Variants in SLC22A25 observed in about 807,000 individuals in gnomAD.
The protein encoded by SLC22A25 is solute carrier family 22 member 25.
SLC22A25 carries 44 observed loss-of-function variants against 45.9 expected under a neutral mutation model. The observed-to-expected ratio is 0.96, with a 90% CI of 0.75 to 1.23. The LOEUF is 1.23. Ranked by LOEUF, SLC22A25 falls within the 50% of genes most tolerant of loss-of-function variation. The pLI is 0.00. For synonymous variants in SLC22A25, 283 were observed against 238.6 expected, an observed-to-expected ratio of 1.19 and a Z score of -1.72; for missense variants, 800 against 666.4, an observed-to-expected ratio of 1.20 and a Z score of -2.21.
intron 7 of SLC22A25, among the ~76,000 whole-genome samples, chr11:63,184,110 A>G (rs2088431206): frequency 6.6e-6 from 1 of 152,100 alleles, no homozygotes; most frequent in Admixed American, 6.6e-5. Flanking sequence ...CATCACTTGT[A>G]CAGATGCCTG....
intron 7 of SLC22A25, among the ~76,000 whole-genome samples, chr11:63,190,534 C>T (rs966896179): frequency 1.3e-5 from 2 of 152,162 alleles, no homozygotes; most frequent in Non-Finnish European, 2.9e-5. Context: ...CTGAAGCCTT[C>T]TTCTCTCAGC....
At position 63,163,182 on chromosome 11, in the gene SLC22A25, A is replaced by G. The variant is rs371693513; in HGVS notation, c.*642T>C. 3.3e-4 allele frequency among the ~76,000 whole-genome samples: 50 copies of G among 152,240 alleles called. No homozygotes were observed. Among genetic ancestry groups the G allele is most frequent in the African/African-American group, 1.1e-3 (46 of 41,548 alleles). ...TGGGAAGGCAGCTTGAATAGCTTCA[A>G]CTCTCACACTTGGACACCATGGCAT... is the stretch of plus-strand genomic sequence containing the variant. On this transcript the variant is annotated 3_prime_UTR_variant, in exon 12 of 12. Transcript: ENST00000306494.
intron 7 of SLC22A25, among the ~76,000 whole-genome samples, chr11:63,204,810 C>A (rs2089352045): frequency 6.6e-6 from 1 of 152,174 alleles, no homozygotes; most frequent in South Asian, 2.1e-4. Flanking sequence ...ACCAAGCCAA[C>A]CTAATAGACA....
At chr11:63,186,679 T>C (rs1462547805) in intron 7 of SLC22A25, among the ~76,000 whole-genome samples, 1 of 152,220 alleles carries the variant, frequency 6.6e-6, no homozygotes, top group Non-Finnish European at 1.5e-5. Flanking sequence ...TGCTTTTAGG[T>C]CTAACATTTA....
chr11:63,180,717 C>G lies in SLC22A25; in HGVS notation c.1013G>C (p.Cys338Ser). The change falls in exon 9 of 12, where the codon TGT becomes TCT. Residue 338 changes from cysteine to serine, a missense_variant. Transcript: ENST00000306494. Reference sequence around the variant, plus strand: ...TATGTTGGGTATGCGGAGCAATTCACAAAGAGAATGCTTTTTCTGTGCTGC... The same window carrying G: ...TATGTTGGGTATGCGGAGCAATTCAGAAAGAGAATGCTTTTTCTGTGCTGC... Reference protein sequence around the residue: ...LEAAQKKHSLCELLRIPNICK... With the variant: ...LEAAQKKHSLSELLRIPNICK... The G allele has an allele frequency of 6.2e-7, 1 of 1,613,210 alleles. No individual in the cohort carries two copies. Among genetic ancestry groups the G allele is most frequent in the Admixed American group, 1.7e-5 (1 of 59,890 alleles).
chr11:63,165,521 G>A (rs1387017332), intron 10 of SLC22A25, among the ~76,000 whole-genome samples: 1 of 152,150 alleles, frequency 6.6e-6, no homozygotes, highest in Admixed American at 6.6e-5. Context: ...TAAAGATACG[G>A]GACTTTTGTT....
At position 63,235,033 on chromosome 11, in the gene SLC22A25, G is replaced by C. The variant is rs149398433; in HGVS notation, c.-445+2848C>G. 6.0e-3 allele frequency among the ~76,000 whole-genome samples: 908 copies of C among 152,248 alleles called. 11 individuals are homozygous for C. Among genetic ancestry groups the C allele is most frequent in the African/African-American group, 0.02 (829 of 41,550 alleles). Reference sequence around the variant, plus strand: ...CTGTTAGTCTAATGGGCTTCCCTGTGGGTAACCTGACCTTTCTCTCTGGCT... The same window carrying C: ...CTGTTAGTCTAATGGGCTTCCCTGTCGGTAACCTGACCTTTCTCTCTGGCT... On this transcript the variant is annotated intron_variant, in intron 3 of 11. Transcript: ENST00000306494.
chr11:63,188,115 G>T (rs556649277), intron 7 of SLC22A25, among the ~76,000 whole-genome samples: 71 of 152,164 alleles, frequency 4.7e-4, no homozygotes, highest in African/African-American at 1.5e-3. Context: ...GTTTCAGAAG[G>T]AATGATACCA....
chr11:63,233,211 A>G (rs1565127749), intron 3 of SLC22A25, among the ~76,000 whole-genome samples: 1 of 152,174 alleles, frequency 6.6e-6, no homozygotes, highest in African/African-American at 2.4e-5. Context: ...AAGGAATGGT[A>G]CCAGCTCCTC....
intron 5 of SLC22A25, among the ~76,000 whole-genome samples, chr11:63,223,241 G>A (rs2134827803): frequency 6.6e-6 from 1 of 152,166 alleles, no homozygotes; most frequent in South Asian, 2.1e-4. Context: ...CAGCAGTGAA[G>A]TCATCAGGTC....
At chr11:63,183,846 C>A (rs2088420608) in intron 7 of SLC22A25, 29 bp from the exon 8 acceptor site, 3 of 1,611,774 alleles carry the variant, frequency 1.9e-6, no homozygotes, top group Non-Finnish European at 2.5e-6. Context: ...AGAGGTGCAG[C>A]CAACCACTAC....
rs1328950000 is a variant in SLC22A25 at position 63,159,369 on chromosome 11, T to C, written c.*4455A>G. On this transcript the variant is annotated 3_prime_UTR_variant, in exon 12 of 12. Transcript: ENST00000306494. ...ATGGGAGGGAGCCTGTGGGAGGTAA[T>C]TGAATCATGGGGCCAGGTCTTTCCC... Among the ~76,000 whole-genome samples, 1 of 152,156 alleles carries C rather than the reference T, an allele frequency of 6.6e-6. No homozygotes were observed. The highest frequency in any genetic ancestry group is 1.5e-5 in the Non-Finnish European group (1 of 68,028).
chr11:63,197,449 C>A (rs918672160), intron 7 of SLC22A25, among the ~76,000 whole-genome samples: 3 of 152,258 alleles, frequency 2.0e-5, no homozygotes, highest in African/African-American at 7.2e-5. Flanking sequence ...AGATATAATA[C>A]CACACATCTA....
intron 3 of SLC22A25, among the ~76,000 whole-genome samples, chr11:63,234,046 T>G (rs1383407761): frequency 2.6e-5 from 4 of 152,234 alleles, no homozygotes; most frequent in African/African-American, 9.6e-5. Context: ...GAGGAGAGCT[T>G]TACTTCCAAC....
intron 7 of SLC22A25, among the ~76,000 whole-genome samples, chr11:63,210,472 G>A (rs568920401): frequency 1.3e-5 from 2 of 152,304 alleles, no homozygotes; most frequent in South Asian, 4.1e-4. Context: ...GCAGGCAAAT[G>A]GGCCACTGGA....
At position 63,163,704 on chromosome 11, in the gene SLC22A25, C is replaced by T; in HGVS notation, c.*120G>A. 1 of 1,351,330 alleles carries T rather than the reference C, an allele frequency of 7.4e-7. No homozygotes were observed. Among genetic ancestry groups the T allele is most frequent in the South Asian group, 1.5e-5 (1 of 66,262 alleles). The allele number at this position is 1,351,330 out of a possible 1,614,324, so 83.7% of individuals were successfully genotyped here. A position where few individuals can be genotyped will look rare whatever the true frequency, so the allele number is the denominator to read the frequency against. ...GAGGCTCAGGGGATGTATGAGGTCA[C>T]TGTGGAAGGGATGAGGATACACCAA... On this transcript the variant is annotated 3_prime_UTR_variant, in exon 12 of 12. Transcript: ENST00000306494.
chr11:63,197,307 A>T lies in SLC22A25; in HGVS notation c.831-13490T>A, dbSNP rs188553086. Among the ~76,000 whole-genome samples the T allele has an allele frequency of 1.2e-3, 187 of 152,276 alleles. 1 individual carries two copies. The highest frequency in any genetic ancestry group is 4.2e-3 in the African/African-American group (175 of 41,552). Reference sequence around the variant, plus strand: ...GAGCCCACATTGCCAAGACAATCCTAAGCCAAAAGAACAAAGCTGGAGGCA... The same window carrying T: ...GAGCCCACATTGCCAAGACAATCCTTAGCCAAAAGAACAAAGCTGGAGGCA... On this transcript the variant is annotated intron_variant, in intron 7 of 11. Transcript: ENST00000306494.
At chr11:63,226,991 C>A (rs1379635425) in intron 5 of SLC22A25, among the ~76,000 whole-genome samples, 2 of 152,108 alleles carry the variant, frequency 1.3e-5, no homozygotes, top group Non-Finnish European at 2.9e-5. Context: ...GCTGTTTGGT[C>A]AGCTTGTGGT....
intron 9 of SLC22A25, among the ~76,000 whole-genome samples, chr11:63,174,476 T>C (rs1056839040): frequency 6.6e-6 from 1 of 152,076 alleles, no homozygotes; most frequent in African/African-American, 2.4e-5. Flanking sequence ...CTAGTTATGG[T>C]TTGGACAACT....
Sources: gnomAD v4.1 joint callset for allele counts (sites outside exome capture counted in the v4.1 genomes callset) on GRCh38, gnomAD v4.1.1 for gene constraint, MANE v1.5 for transcripts, NCBI Gene and HGNC (gene_info 2026-07-23, HGNC 2026-07-21) for gene names.